FSTL5: variants seen among roughly 807,000 people sequenced by gnomAD.
The protein encoded by FSTL5 is follistatin like 5, also known as follistatin-related protein 5.
A neutral mutation model predicts 89.1 loss-of-function variants in FSTL5; 62 were observed. The observed-to-expected ratio is 0.70, with a 90% CI of 0.57 to 0.86. The LOEUF (loss-of-function observed/expected upper bound fraction) is 0.86. Ranked by LOEUF, FSTL5 falls within the 40% of genes least tolerant of loss-of-function variation. FSTL5 has a pLI of 0.00. For synonymous variants in FSTL5, 383 were observed against 346.2 expected, an observed-to-expected ratio of 1.11 and a Z score of -1.18; for missense variants, 1,057 against 1,001.6, an observed-to-expected ratio of 1.06 and a Z score of -0.75.
chr4:161,597,123 G>A (rs1473498916), intron 7 of FSTL5, among the ~76,000 whole-genome samples: 1 of 151,990 alleles, frequency 6.6e-6, no homozygotes. Context: ...TGTCCTGAAT[G>A]GTATTGCCTA....
At chr4:161,436,984 T>C (rs1354194765) in intron 15 of FSTL5, among the ~76,000 whole-genome samples, 1 of 152,242 alleles carries the variant, frequency 6.6e-6, no homozygotes, top group African/African-American at 2.4e-5. Context: ...ACAATGATTG[T>C]AATTTTGTTA....
chr4:161,568,061 T>C (rs1450857546), intron 8 of FSTL5, among the ~76,000 whole-genome samples: 1 of 151,614 alleles, frequency 6.6e-6, no homozygotes, highest in Non-Finnish European at 1.5e-5. Flanking sequence ...GTTGGCTCTG[T>C]CTCCGTGTGC....
intron 4 of FSTL5, among the ~76,000 whole-genome samples, chr4:161,858,631 C>A (rs189196192): frequency 8.5e-5 from 13 of 152,282 alleles, no homozygotes; most frequent in Non-Finnish European, 1.8e-4. Context: ...AATTCTAATT[C>A]TTTTTCTCAG....
chr4:161,853,685 T>C (rs1731632026), intron 4 of FSTL5, among the ~76,000 whole-genome samples: 1 of 152,202 alleles, frequency 6.6e-6, no homozygotes, highest in African/African-American at 2.4e-5. Flanking sequence ...TTTGATATTA[T>C]TGGCATAACC....
intron 8 of FSTL5, among the ~76,000 whole-genome samples, chr4:161,579,733 A>AAC: frequency 9.7e-6 from 1 of 102,720 alleles, no homozygotes; most frequent in South Asian, 2.6e-4. Context: ...AAAACAAACA[A>AAC]AAAAAAAAAA....
chr4:161,870,758 C>G (rs1732239089), intron 4 of FSTL5, among the ~76,000 whole-genome samples: 1 of 152,080 alleles, frequency 6.6e-6, no homozygotes, highest in Non-Finnish European at 1.5e-5. Context: ...ATGTTCAATA[C>G]ACATTAATTT....
chr4:161,876,907 G>T (rs1444265704), intron 4 of FSTL5, among the ~76,000 whole-genome samples: 1 of 151,764 alleles, frequency 6.6e-6, no homozygotes, highest in Non-Finnish European at 1.5e-5. Flanking sequence ...ATGATAGGCC[G>T]GGCGCTGTGG....
At chr4:161,469,547 C>A (rs1368162569) in intron 13 of FSTL5, among the ~76,000 whole-genome samples, 1 of 152,026 alleles carries the variant, frequency 6.6e-6, no homozygotes, top group Non-Finnish European at 1.5e-5. Context: ...CTAATGATTA[C>A]TTATATTGGT....
intron 8 of FSTL5, among the ~76,000 whole-genome samples, chr4:161,561,627 C>G (rs566314150): frequency 2.6e-5 from 4 of 151,720 alleles, no homozygotes; most frequent in Non-Finnish European, 4.4e-5. Context: ...GCTCAAAAAA[C>G]TGAACAATAA....
intron 15 of FSTL5, among the ~76,000 whole-genome samples, chr4:161,437,881 G>C (rs1234151657): frequency 1.3e-5 from 2 of 152,060 alleles, no homozygotes; most frequent in African/African-American, 2.4e-5. Flanking sequence ...CCTTAAAAGG[G>C]GTGGCTTGGA....
At chr4:161,597,595 T>C (rs2126619565) in intron 7 of FSTL5, among the ~76,000 whole-genome samples, 1 of 151,892 alleles carries the variant, frequency 6.6e-6, no homozygotes, top group Non-Finnish European at 1.5e-5. Context: ...AACCTGCACG[T>C]TGTGCACATG....
chr4:161,429,900 A>C (rs1732295311), intron 15 of FSTL5, among the ~76,000 whole-genome samples: 1 of 152,138 alleles, frequency 6.6e-6, no homozygotes, highest in Admixed American at 6.6e-5. Flanking sequence ...TAAATAAGTC[A>C]CCTGGGAGCA....
intron 3 of FSTL5, among the ~76,000 whole-genome samples, chr4:161,937,836 T>C (rs541131763): frequency 6.6e-6 from 1 of 152,284 alleles, no homozygotes; most frequent in African/African-American, 2.4e-5. Context: ...TGTGCTGTAC[T>C]TTTTGGTGTC....
chr4:162,086,881 T>C (rs951527801), intron 2 of FSTL5, among the ~76,000 whole-genome samples: 6 of 152,128 alleles, frequency 3.9e-5, no homozygotes, highest in Non-Finnish European at 7.4e-5. Context: ...TCTGATAGTT[T>C]GGTTAAATCC....
intron 6 of FSTL5, among the ~76,000 whole-genome samples, chr4:161,756,823 A>C (rs1368421077): frequency 6.6e-6 from 1 of 152,150 alleles, no homozygotes; most frequent in Non-Finnish European, 1.5e-5. Flanking sequence ...CACCACCAAC[A>C]ATAACTGTAT....
rs534821914 is a variant in FSTL5, at chr4:162,046,788, G to C, written c.127-13130C>G. Among the ~76,000 whole-genome samples the C allele has an allele frequency of 2.0e-5, 3 of 152,194 alleles. No homozygotes were observed. The South Asian group carries it at 6.2e-4, about 31-fold the overall frequency. On this transcript the variant is annotated intron_variant, in intron 2 of 15. Transcript: ENST00000306100. ...GTTATGAAAACTAGTGAATTTGTAT[G>C]ATTTAAAATGTAGACATGTACACAT...
At chr4:161,732,348 G>C (rs1363981826) in intron 6 of FSTL5, among the ~76,000 whole-genome samples, 2 of 151,772 alleles carry the variant, frequency 1.3e-5, no homozygotes, top group Admixed American at 6.6e-5. Context: ...AAGTGTTTTT[G>C]TTCCCCTGTT....
chr4:161,453,720 G>A (rs1338845448), intron 15 of FSTL5, among the ~76,000 whole-genome samples: 2 of 152,064 alleles, frequency 1.3e-5, no homozygotes, highest in African/African-American at 4.8e-5. Flanking sequence ...TCATCCTCAC[G>A]AGCAGCTGGG....
chr4:161,833,150 T>C (rs1389166899), intron 4 of FSTL5, among the ~76,000 whole-genome samples: 1 of 151,768 alleles, frequency 6.6e-6, no homozygotes, highest in African/African-American at 2.4e-5. Context: ...CCAGTAGTCA[T>C]TCAGGAGCAG....
Sources: gnomAD v4.1 joint callset for allele counts (sites outside exome capture counted in the v4.1 genomes callset) on GRCh38, gnomAD v4.1.1 for gene constraint, MANE v1.5 for transcripts, NCBI Gene and HGNC (gene_info 2026-07-23, HGNC 2026-07-21) for gene names.